ZNF525: variants seen among roughly 807,000 people sequenced by gnomAD.
The protein encoded by ZNF525 is zinc finger protein 525.
In ZNF525, 33 loss-of-function variants were observed where a neutral mutation model predicts 37.6. That is an observed-to-expected ratio of 0.88 (90% CI 0.67 to 1.17). The LOEUF (loss-of-function observed/expected upper bound fraction) is 1.17, where lower values mean the gene tolerates loss of function less well. ZNF525 is among the 50% of genes most tolerant of loss of function. ZNF525 has a pLI of 0.00. For synonymous variants in ZNF525, 170 were observed against 182.3 expected, an observed-to-expected ratio of 0.93 and a Z score of 0.54; for missense variants, 449 against 543.1, an observed-to-expected ratio of 0.83 and a Z score of 1.72.
chr19:53,381,521 T>C lies in ZNF525; in HGVS notation c.942T>C (p.Leu314=). 7.8e-7 allele frequency: 1 copy of C among 1,274,448 alleles called. No homozygotes were observed. The highest frequency in any genetic ancestry group is 1.1e-6 in the Non-Finnish European group (1 of 870,086). 78.9% of individuals were successfully genotyped at this position (1,274,448 alleles called of 1,614,324 possible). ...AAGCTTTCAGACACAATTCAGCCCT[T>C]CAAAGACATAGGAGAATTCATACTG... is the stretch of plus-strand genomic sequence containing the variant. ...CDKAFRHNSA[L]QRHRRIHTGE... is the part of the protein sequence containing the mutation. Residue 314 remains leucine (L), a synonymous_variant, in exon 4 of 4, where the codon CTT becomes CTC. Coordinates refer to ENST00000474037, the MANE Select transcript of ZNF525 (RefSeq NM_001348156.2).
chr19:53,368,390 T>C (rs1399028761), intron 1 of ZNF525, among the ~76,000 whole-genome samples: 3 of 152,244 alleles, frequency 2.0e-5, no homozygotes, highest in Non-Finnish European at 4.4e-5. Flanking sequence ...CTAGTGACTC[T>C]GTAAAAGCTT....
rs1266449286 is a variant in ZNF525, at chr19:53,383,301, A to G, written c.*1282A>G. On this transcript the variant is annotated 3_prime_UTR_variant, in exon 4 of 4. Coordinates refer to ENST00000474037, the MANE Select transcript of ZNF525 (RefSeq NM_001348156.2). The stretch of plus-strand genomic sequence containing the variant: ...GTCCTTGTAATTCATAAAACAATTC[A>G]TACTGGAGAGAAACAAGCGTAATGA... 22 of 1,355,286 alleles carry G rather than the reference A, an allele frequency of 1.6e-5. No individual in the cohort carries two copies. Among genetic ancestry groups the G allele is most frequent in the Non-Finnish European group, 1.8e-5 (18 of 1,008,592 alleles). The allele number at this position is 1,355,286 out of a possible 1,614,324, so 84.0% of individuals were successfully genotyped here.
Position 53,375,752 on chromosome 19 carries a change from A to G in ZNF525, c.16-18A>G. The G allele has an allele frequency of 1.9e-6, 3 of 1,613,656 alleles. No individual in the cohort carries two copies. The highest frequency in any genetic ancestry group is 2.5e-6 in the Non-Finnish European group (3 of 1,179,872). On this transcript the variant is annotated intron_variant, in intron 2 of 3. Transcript: ENST00000474037. Reference sequence around the variant, plus strand: ...ACTCCTCCCATAACCATTTGGTTAAAATGTGTTTTCATTTCAGGGTCTATT... The same window carrying G: ...ACTCCTCCCATAACCATTTGGTTAAGATGTGTTTTCATTTCAGGGTCTATT...
At chr19:53,376,943 T>C (rs948926947) in intron 3 of ZNF525, among the ~76,000 whole-genome samples, 1 of 152,142 alleles carries the variant, frequency 6.6e-6, no homozygotes, top group Non-Finnish European at 1.5e-5. Flanking sequence ...CACTCCCGCC[T>C]GGGCAACACA....
In ZNF525 at chr19:53,383,218, C is replaced by T. The variant is rs769579180; in HGVS notation, c.*1199C>T. The T allele has an allele frequency of 4.8e-5, 68 of 1,411,002 alleles. No homozygotes were observed. The highest frequency in any genetic ancestry group is 3.6e-4 in the African/African-American group (25 of 69,826). 87.4% of individuals were successfully genotyped at this position (1,411,002 alleles called of 1,614,324 possible). A position where few individuals can be genotyped will look rare whatever the true frequency, so the allele number is the denominator to read the frequency against. On this transcript the variant is annotated 3_prime_UTR_variant, in exon 4 of 4. Coordinates refer to ENST00000474037, the MANE Select transcript of ZNF525 (RefSeq NM_001348156.2). ...TCCTTGTAATTCATAAGACAATTCA[C>T]ACTGGGGAGAAACCTTACAAGTGTA... is the stretch of plus-strand genomic sequence containing the variant.
In ZNF525 at chr19:53,383,529, C is replaced by A; in HGVS notation, c.*1510C>A. The A allele has an allele frequency of 2.3e-6, 3 of 1,295,466 alleles. No individual in the cohort carries two copies. Among genetic ancestry groups the A allele is most frequent in the South Asian group, 1.2e-5 (1 of 81,336 alleles). 80.2% of individuals were successfully genotyped at this position (1,295,466 alleles called of 1,614,324 possible). A position where few individuals can be genotyped will look rare whatever the true frequency, so the allele number is the denominator to read the frequency against. ...GCTTTCGGACGTGATTCACACCTGG[C>A]ACAACATCCCAGAGTTCACACTGGA... On this transcript the variant is annotated 3_prime_UTR_variant, in exon 4 of 4. Transcript: ENST00000474037.
rs1397604670 is a variant in ZNF525 at position 53,382,588 on chromosome 19, CT to C, written c.*572del. 2 of 664,756 alleles carry C rather than the reference CT, an allele frequency of 3.0e-6. No homozygotes were observed. Among genetic ancestry groups the C allele is most frequent in the Non-Finnish European group, 5.6e-6 (2 of 355,726 alleles). The allele number at this position is 664,756 out of a possible 1,614,324, so 41.2% of individuals were successfully genotyped here. A position where few individuals can be genotyped will look rare whatever the true frequency, so the allele number is the denominator to read the frequency against. On this transcript the variant is annotated 3_prime_UTR_variant, in exon 4 of 4. Coordinates refer to ENST00000474037, the MANE Select transcript of ZNF525 (RefSeq NM_001348156.2). ...AGAAGTGCAATGAGTGTGGCAAAAC[CT>C]TTCATAGGCAGTCAGCGCTTATTTA...
chr19:53,366,218 T>C (rs1475669806), intron 1 of ZNF525, among the ~76,000 whole-genome samples: 1 of 114,268 alleles, frequency 8.8e-6, no homozygotes, highest in East Asian at 2.2e-4. Context: ...GCCCCCCACG[T>C]CCCTCCTCAT....
rs1322244580 is a variant in ZNF525, at chr19:53,372,272, G to GGA, written c.-8_-7dup. 1.3e-6 allele frequency: 1 copy of GGA among 772,718 alleles called. No individual in the cohort carries two copies. The highest frequency in any genetic ancestry group is 1.4e-5 in the South Asian group (1 of 71,872). The allele number at this position is 772,718 out of a possible 1,614,324, so 47.9% of individuals were successfully genotyped here. ...AAGAAACCCGGAAAAGGAAAGCAGA[G>GGA]GAGTCAGGGATGGCTCTTCCTCAGG... is the stretch of plus-strand genomic sequence containing the variant. On this transcript the variant is annotated 5_prime_UTR_variant, in exon 2 of 4. Coordinates refer to ENST00000474037, the MANE Select transcript of ZNF525 (RefSeq NM_001348156.2).
intron 1 of ZNF525, among the ~76,000 whole-genome samples, chr19:53,366,398 C>G (rs920760942): frequency 2.0e-5 from 3 of 151,528 alleles, no homozygotes; most frequent in Non-Finnish European, 4.4e-5. Flanking sequence ...ACTCCAAACC[C>G]TCCTGTGATT....
Position 53,382,189 on chromosome 19 carries a change from A to G in ZNF525, c.*170A>G, listed in dbSNP as rs554314635. 124 of 1,592,786 alleles carry G rather than the reference A, an allele frequency of 7.8e-5. No homozygotes were observed. The African/African-American group carries it at 1.5e-3, about 20-fold the overall frequency. On this transcript the variant is annotated 3_prime_UTR_variant, in exon 4 of 4. Transcript: ENST00000474037. ...GATGAAGCTTTCAGTTTCAAATCAA[A>G]CCTTGAAAGACATAGGAGAATTCAC...
At chr19:53,377,751 G>A (rs751113931) in intron 3 of ZNF525, among the ~76,000 whole-genome samples, 6 of 151,740 alleles carry the variant, frequency 4.0e-5, no homozygotes, top group Admixed American at 1.3e-4. Context: ...TTGTAGAGAC[G>A]GGGTTTCACT....
chr19:53,365,955 CG>C (rs1231272158), intron 1 of ZNF525, among the ~76,000 whole-genome samples, 196 bp downstream of exon 1: 1 of 152,138 alleles, frequency 6.6e-6, no homozygotes, highest in Admixed American at 6.5e-5. Flanking sequence ...GGTCCCGTTC[CG>C]GATCTTTCTG....
chr19:53,381,689 T>G lies in ZNF525; in HGVS notation c.1110T>G (p.Leu370=). The G allele has an allele frequency of 8.9e-7, 1 of 1,120,684 alleles. No individual in the cohort carries two copies. Among genetic ancestry groups the G allele is most frequent in the Non-Finnish European group, 1.4e-6 (1 of 729,252 alleles). 69.4% of individuals were successfully genotyped at this position (1,120,684 alleles called of 1,614,324 possible). ...AAGCTTTCAGTTTCAAATCAAACCT[T>G]GAAAGTCATAGGATAACTCATACTG... ...CDKAFSFKSN[L]ESHRITHTGE... is the part of the protein sequence containing the mutation. Residue 370 remains leucine, a synonymous_variant, in exon 4 of 4, where the codon CTT becomes CTG. Transcript: ENST00000474037.
chr19:53,383,227 G>A lies in ZNF525; in HGVS notation c.*1208G>A. ...TTCATAAGACAATTCACACTGGGGAGAAACCTTACAAGTGTAATGAGTGTG... is the reference window on the plus strand; with the variant it reads ...TTCATAAGACAATTCACACTGGGGAAAAACCTTACAAGTGTAATGAGTGTG... On this transcript the variant is annotated 3_prime_UTR_variant, in exon 4 of 4. Transcript: ENST00000474037. 7.0e-7 allele frequency: 1 copy of A among 1,432,060 alleles called. No homozygotes were observed. Among genetic ancestry groups the A allele is most frequent in the Non-Finnish European group, 9.6e-7 (1 of 1,041,450 alleles). 88.7% of individuals were successfully genotyped at this position (1,432,060 alleles called of 1,614,324 possible).
chr19:53,381,991 A>G lies in ZNF525; in HGVS notation c.1412A>G (p.Glu471Gly). 8.8e-7 allele frequency: 1 copy of G among 1,130,066 alleles called. No homozygotes were observed. Among genetic ancestry groups the G allele is most frequent in the Non-Finnish European group, 1.3e-6 (1 of 747,610 alleles). The allele number at this position is 1,130,066 out of a possible 1,614,324, so 70.0% of individuals were successfully genotyped here. A position where few individuals can be genotyped will look rare whatever the true frequency, so the allele number is the denominator to read the frequency against. Residue 471 changes from glutamate to glycine, a missense_variant, in exon 4 of 4, where the codon GAA (glutamate) becomes GGA (glycine). Physicochemically the swap from Glu to Gly is moderately conservative, Grantham distance 98 (BLOSUM62 -2). This residue lies in a region of ZNF525 where 178 missense variants were observed against 161.5 expected (regional missense o/e 1.10). Coordinates refer to ENST00000474037, the MANE Select transcript of ZNF525 (RefSeq NM_001348156.2). ...HSGEKPCKCGECDKAYSFK is the reference protein window; with the variant it reads ...HSGEKPCKCGGCDKAYSFK Reference sequence around the variant, plus strand: ...GGAGAGAAACCTTGCAAGTGTGGAGAATGTGACAAGGCTTACAGTTTCAAA... The same window carrying G: ...GGAGAGAAACCTTGCAAGTGTGGAGGATGTGACAAGGCTTACAGTTTCAAA...
chr19:53,367,655 T>C (rs1189703169), intron 1 of ZNF525, among the ~76,000 whole-genome samples: 1 of 152,214 alleles, frequency 6.6e-6, no homozygotes, highest in Non-Finnish European at 1.5e-5. Context: ...TTTGTCTAAG[T>C]CTGGACTGGA....
chr19:53,382,370 T>C lies in ZNF525; in HGVS notation c.*351T>C, dbSNP rs543247278. 13 of 1,160,596 alleles carry C rather than the reference T, an allele frequency of 1.1e-5. No homozygotes were observed. In the Admixed American group the frequency reaches 1.9e-4, roughly 17 times the overall value. The allele number at this position is 1,160,596 out of a possible 1,614,324, so 71.9% of individuals were successfully genotyped here. A position where few individuals can be genotyped will look rare whatever the true frequency, so the allele number is the denominator to read the frequency against. On this transcript the variant is annotated 3_prime_UTR_variant, in exon 4 of 4. Coordinates refer to ENST00000474037, the MANE Select transcript of ZNF525 (RefSeq NM_001348156.2). ...GATACAAATCAAATCTTGAAAGACA[T>C]AGGAGAATTCATAATGGAGAGAAAC...
In ZNF525 at chr19:53,382,493, T is replaced by C. The variant is rs911749394; in HGVS notation, c.*474T>C. On this transcript the variant is annotated 3_prime_UTR_variant, in exon 4 of 4. Coordinates refer to ENST00000474037, the MANE Select transcript of ZNF525 (RefSeq NM_001348156.2). The stretch of plus-strand genomic sequence containing the variant: ...CTGGAAATAAATCTTATAAGTGTAA[T>C]GAGTGTGGCAAGACCTTCAGTAAGG... 3 of 706,706 alleles carry C rather than the reference T, an allele frequency of 4.2e-6. No individual in the cohort carries two copies. The highest frequency in any genetic ancestry group is 3.7e-5 in the Admixed American group (2 of 54,536). 43.8% of individuals were successfully genotyped at this position (706,706 alleles called of 1,614,324 possible). A position where few individuals can be genotyped will look rare whatever the true frequency, so the allele number is the denominator to read the frequency against.
Sources: allele counts gnomAD v4.1 joint callset (sites outside exome capture counted in the v4.1 genomes callset), GRCh38; gene constraint gnomAD v4.1.1; regional missense constraint gnomAD v4.1.1; transcripts MANE v1.5; gene names NCBI Gene and HGNC (gene_info 2026-07-23, HGNC 2026-07-21).